Variants in RETREG1 observed in about 807,000 individuals in gnomAD.
RETREG1 encodes the protein reticulophagy regulator 1.
RETREG1 carries 44 observed loss-of-function variants against 54.8 expected under a neutral mutation model. The ratio of observed to expected loss-of-function variants is 0.80; its 90% CI spans 0.63 to 1.03. The LOEUF is 1.03. RETREG1 is among the 50% of genes least tolerant of loss of function. RETREG1 has a pLI of 0.00. For synonymous variants in RETREG1, 217 were observed against 238.5 expected, an observed-to-expected ratio of 0.91 and a Z score of 0.83; for missense variants, 554 against 605.1, an observed-to-expected ratio of 0.92 and a Z score of 0.89.
chr5:16,511,130 C>G (rs1293588569), intron 3 of RETREG1, among the ~76,000 whole-genome samples: 2 of 152,196 alleles, frequency 1.3e-5, no homozygotes, highest in Admixed American at 1.3e-4. Context: ...CTTAGGATGG[C>G]TCAACTTCAC....
chr5:16,607,715 G>A (rs897217318), intron 1 of RETREG1, among the ~76,000 whole-genome samples: 1 of 151,894 alleles, frequency 6.6e-6, no homozygotes, highest in Admixed American at 6.6e-5. Context: ...TAATAGATGG[G>A]TATTGCTTAT....
intron 3 of RETREG1, among the ~76,000 whole-genome samples, chr5:16,484,163 T>C (rs1409294710): frequency 6.6e-6 from 1 of 152,160 alleles, no homozygotes; most frequent in Non-Finnish European, 1.5e-5. Context: ...GTGTTGAGTG[T>C]GATGCATGGG....
intron 3 of RETREG1, among the ~76,000 whole-genome samples, chr5:16,552,197 TG>T (rs1203287530): frequency 6.6e-6 from 1 of 152,222 alleles, no homozygotes; most frequent in Non-Finnish European, 1.5e-5. Flanking sequence ...CTACTGCTCT[TG>T]TACACTCTTC....
intron 1 of RETREG1, among the ~76,000 whole-genome samples, chr5:16,595,677 C>T (rs1742880527): frequency 6.6e-6 from 1 of 152,166 alleles, no homozygotes; most frequent in Non-Finnish European, 1.5e-5. Context: ...CAAATACAAG[C>T]TATTACTACT....
At chr5:16,601,457 C>T (rs912670048) in intron 1 of RETREG1, among the ~76,000 whole-genome samples, 11 of 149,882 alleles carry the variant, frequency 7.3e-5, no homozygotes, top group African/African-American at 1.5e-4. Flanking sequence ...AGTGCAATGG[C>T]GTGATCTCAG....
chr5:16,585,010 G>C lies in RETREG1; in HGVS notation c.321-12908C>G, dbSNP rs1742591381. ...CCTAGGGAAGTACTTCTTTAGTTGT[G>C]ATGGCCAAGAAAATGAATTATAAGC... On this transcript the variant is annotated intron_variant, in intron 1 of 8. Coordinates refer to ENST00000306320, the MANE Select transcript of RETREG1 (RefSeq NM_001034850.3). This position sits in a 1 kb window ranked among gnomAD's most constrained non-coding sequence, Gnocchi z 4.5. 6.6e-6 allele frequency among the ~76,000 whole-genome samples: 1 copy of C among 151,708 alleles called. No homozygotes were observed. Among genetic ancestry groups the C allele is most frequent in the Admixed American group, 6.6e-5 (1 of 15,212 alleles).
At chr5:16,538,799 G>C (rs1031515599) in intron 3 of RETREG1, among the ~76,000 whole-genome samples, 2 of 151,984 alleles carry the variant, frequency 1.3e-5, no homozygotes, top group African/African-American at 4.8e-5. Context: ...CCGCCTCCTG[G>C]GTTCACGCCA....
intron 3 of RETREG1, among the ~76,000 whole-genome samples, chr5:16,503,815 A>G (rs1739830192): frequency 6.6e-6 from 1 of 152,208 alleles, no homozygotes; most frequent in Non-Finnish European, 1.5e-5. Flanking sequence ...TTGGCCCACA[A>G]TCAATGGTAT....
intron 1 of RETREG1, among the ~76,000 whole-genome samples, chr5:16,610,883 T>G (rs1481517252): frequency 3.3e-5 from 5 of 152,288 alleles, no homozygotes; most frequent in African/African-American, 1.2e-4. Flanking sequence ...AAATACCATT[T>G]GACCCAGCCA....
chr5:16,616,621 C>CTCAG (rs757719136), intron 1 of RETREG1, 31 bp downstream of exon 1: 2 of 1,564,498 alleles, frequency 1.3e-6, no homozygotes, highest in Non-Finnish European at 1.7e-6. Flanking sequence ...ACCTGCCCTC[C>CTCAG]TCAGCGCCCC....
At chr5:16,541,326 C>A (rs1579665645) in intron 3 of RETREG1, among the ~76,000 whole-genome samples, 1 of 152,338 alleles carries the variant, frequency 6.6e-6, no homozygotes, top group African/African-American at 2.4e-5. Context: ...TTTGTTACTG[C>A]AGCCCAAATG....
At chr5:16,538,706 T>TC (rs1389957622) in intron 3 of RETREG1, among the ~76,000 whole-genome samples, 1 of 150,628 alleles carries the variant, frequency 6.6e-6, no homozygotes, top group East Asian at 1.9e-4. Context: ...TTTCATTCTT[T>TC]TTTTTTTTTT....
intron 3 of RETREG1, among the ~76,000 whole-genome samples, chr5:16,496,983 G>A (rs1417232264): frequency 6.6e-6 from 1 of 152,142 alleles, no homozygotes; most frequent in Non-Finnish European, 1.5e-5. Context: ...CCAGGCACAG[G>A]AGTCTGCTAG....
intron 3 of RETREG1, among the ~76,000 whole-genome samples, chr5:16,531,807 T>C (rs948612665): frequency 6.6e-6 from 1 of 152,146 alleles, no homozygotes; most frequent in Admixed American, 6.5e-5. Flanking sequence ...TTTAACAAAT[T>C]AGCCTGTGAC....
At chr5:16,614,098 T>C (rs898972181) in intron 1 of RETREG1, among the ~76,000 whole-genome samples, 3 of 152,188 alleles carry the variant, frequency 2.0e-5, no homozygotes, top group African/African-American at 7.2e-5. Flanking sequence ...GAAGGCTGTA[T>C]CTAGGCTGAA....
intron 3 of RETREG1, among the ~76,000 whole-genome samples, chr5:16,519,170 G>A: frequency 6.6e-6 from 1 of 152,306 alleles, no homozygotes; most frequent in East Asian, 1.9e-4. Context: ...TGCTGAGGAA[G>A]AGATGGTACC....
chr5:16,577,818 A>G (rs1385985913), intron 1 of RETREG1, among the ~76,000 whole-genome samples: 1 of 151,992 alleles, frequency 6.6e-6, no homozygotes, highest in East Asian at 1.9e-4. Context: ...TTGTCAGGGG[A>G]AACCCCTTTT....
chr5:16,529,069 C>T (rs917264392), intron 3 of RETREG1, among the ~76,000 whole-genome samples: 1 of 152,210 alleles, frequency 6.6e-6, no homozygotes, highest in Non-Finnish European at 1.5e-5. Flanking sequence ...CTATGATTCT[C>T]ACTTTAGGTA....
At chr5:16,509,015 G>A (rs574081567) in intron 3 of RETREG1, 5 of 997,780 alleles carry the variant, frequency 5.0e-6, no homozygotes, top group Non-Finnish European at 6.0e-6. Flanking sequence ...ACCTAGGCCC[G>A]CCTGCCCTTT....
Sources: allele counts gnomAD v4.1 joint callset (sites outside exome capture counted in the v4.1 genomes callset), GRCh38; gene constraint gnomAD v4.1.1; non-coding constraint Gnocchi (gnomAD v3.1); transcripts MANE v1.5; gene names NCBI Gene and HGNC (gene_info 2026-07-23, HGNC 2026-07-21).